Variants in FRMD6 observed in about 807,000 individuals in gnomAD.
FRMD6 encodes FERM domain-containing protein 6.
FRMD6 carries 37 observed loss-of-function variants against 73.2 expected under a neutral mutation model. The observed-to-expected ratio is 0.51, with a 90% CI of 0.39 to 0.66. FRMD6 has a LOEUF of 0.66. Among genes scored for constraint, FRMD6 ranks in the 30% least tolerant of loss-of-function variants. FRMD6 has a pLI of 0.00. For missense variants in FRMD6, 714 were observed against 780.5 expected, an observed-to-expected ratio of 0.91 and a Z score of 1.02; for synonymous variants, 273 against 282.2, an observed-to-expected ratio of 0.97 and a Z score of 0.33.
intron 1 of FRMD6, among the ~76,000 whole-genome samples, chr14:51,489,630 C>G (rs571625368): frequency 4.4e-4 from 67 of 152,246 alleles, no homozygotes; most frequent in Admixed American, 9.2e-4. Context: ...GAAGGGGGTA[C>G]CTTGGGTTGT....
At chr14:51,480,347 T>G in the FRMD6 span, among the ~76,000 whole-genome samples, 1 of 152,170 alleles carries the variant, frequency 6.6e-6, no homozygotes, top group East Asian at 1.9e-4. Flanking sequence ...AATCTGAGAT[T>G]TACGGGGATC....
At chr14:51,725,928 TA>T in intron 13 of FRMD6, 58 bp downstream of exon 13, 1 of 1,245,670 alleles carries the variant, frequency 8.0e-7, no homozygotes, top group South Asian at 1.3e-5. Context: ...AAATTTTAAG[TA>T]GTAACTTACA....
At chr14:51,726,294 A>G (rs987885672) in intron 13 of FRMD6, among the ~76,000 whole-genome samples, 2 of 152,210 alleles carry the variant, frequency 1.3e-5, no homozygotes, top group Non-Finnish European at 2.9e-5. Flanking sequence ...AGAGCATTTG[A>G]CAACCTGTGA....
At chr14:51,426,677 T>G in the FRMD6 span, among the ~76,000 whole-genome samples, 1 of 152,118 alleles carries the variant, frequency 6.6e-6, no homozygotes, top group Non-Finnish European at 1.5e-5. Context: ...TACCGTGAGA[T>G]GGGGGGAGTG....
chr14:51,644,004 C>G (rs1294526497), intron 2 of FRMD6, among the ~76,000 whole-genome samples: 1 of 152,022 alleles, frequency 6.6e-6, no homozygotes, highest in Non-Finnish European at 1.5e-5. Context: ...TTAATAATTA[C>G]AGTTTTAGTT....
At chr14:51,589,313 C>T (rs1462744482) in intron 2 of FRMD6, among the ~76,000 whole-genome samples, 1 of 151,072 alleles carries the variant, frequency 6.6e-6, no homozygotes, top group African/African-American at 2.4e-5. Flanking sequence ...ACACCACCAT[C>T]CACTATTGTT....
chr14:51,666,279 C>CATTACTAT (rs1566545683), intron 1 of FRMD6, among the ~76,000 whole-genome samples: 3 of 152,144 alleles, frequency 2.0e-5, no homozygotes, highest in Admixed American at 6.5e-5. Context: ...CAGATGAATG[C>CATTACTAT]GTCATTACTA....
At chr14:51,445,864 A>G in the FRMD6 span, among the ~76,000 whole-genome samples, 1 of 152,248 alleles carries the variant, frequency 6.6e-6, no homozygotes, top group South Asian at 2.1e-4. Flanking sequence ...GTATTAAATT[A>G]TTATGACAGC....
At chr14:51,722,135 A>G (rs1367245742) in intron 12 of FRMD6, 55 bp downstream of exon 12, 1 of 1,597,596 alleles carries the variant, frequency 6.3e-7, no homozygotes, top group Non-Finnish European at 8.6e-7. Context: ...CAGGACTGAA[A>G]AACACATGCC....
At chr14:51,471,185 A>G in the FRMD6 span, among the ~76,000 whole-genome samples, 10 of 152,120 alleles carry the variant, frequency 6.6e-5, no homozygotes, top group African/African-American at 9.7e-5. Context: ...ATGCATATGC[A>G]TTTATAATAT....
intron 2 of FRMD6, among the ~76,000 whole-genome samples, chr14:51,695,721 A>C (rs866745940): frequency 2.4e-4 from 37 of 152,164 alleles, no homozygotes; most frequent in Non-Finnish European, 2.2e-4. Flanking sequence ...TTCCTGCATG[A>C]GTTCCTGGTA....
chr14:51,453,278 G>C, the FRMD6 span, among the ~76,000 whole-genome samples: 37 of 152,058 alleles, frequency 2.4e-4, no homozygotes, highest in Non-Finnish European at 5.0e-4. Flanking sequence ...TTTGAGTCGG[G>C]GGCTGGCAGG....
At chr14:51,674,028 C>T (rs946729679) in intron 1 of FRMD6, among the ~76,000 whole-genome samples, 1 of 152,104 alleles carries the variant, frequency 6.6e-6, no homozygotes, top group African/African-American at 2.4e-5. Context: ...AAATAATTTC[C>T]AAATCCTAGA....
intron 1 of FRMD6, among the ~76,000 whole-genome samples, chr14:51,512,183 C>A (rs1229675467): frequency 1.3e-5 from 2 of 152,112 alleles, no homozygotes; most frequent in Admixed American, 1.3e-4. Context: ...GGTTGGCATG[C>A]AGCTGGGAGT....
chr14:51,686,705 C>CTTT (rs1340281377), intron 1 of FRMD6, among the ~76,000 whole-genome samples: 1 of 151,892 alleles, frequency 6.6e-6, no homozygotes, highest in Admixed American at 6.6e-5. Flanking sequence ...AAAGGGTTGC[C>CTTT]CTGTAGTAAG....
At chr14:51,455,810 G>A in the FRMD6 span, among the ~76,000 whole-genome samples, 1 of 152,180 alleles carries the variant, frequency 6.6e-6, no homozygotes, top group Non-Finnish European at 1.5e-5. Context: ...GAGAGGTAAG[G>A]GAATTGGAAC....
At chr14:51,459,607 C>G in the FRMD6 span, among the ~76,000 whole-genome samples, 9 of 151,996 alleles carry the variant, frequency 5.9e-5, no homozygotes, top group Non-Finnish European at 1.5e-5. Flanking sequence ...GTGGGCGGAT[C>G]ACGAGGTCAG....
At chr14:51,527,417 C>T (rs1449452793) in intron 1 of FRMD6, among the ~76,000 whole-genome samples, 1 of 152,180 alleles carries the variant, frequency 6.6e-6, no homozygotes, top group Admixed American at 6.5e-5. Flanking sequence ...ATAGTTGGGG[C>T]CAGGCAACAG....
At chr14:51,539,131 T>C (rs1053020440) in intron 1 of FRMD6, among the ~76,000 whole-genome samples, 1 of 152,138 alleles carries the variant, frequency 6.6e-6, no homozygotes, top group Non-Finnish European at 1.5e-5. Flanking sequence ...TTCCACCGTT[T>C]TTGACCTTTT....
Sources: gnomAD v4.1 joint callset for allele counts (sites outside exome capture counted in the v4.1 genomes callset) on GRCh38, gnomAD v4.1.1 for gene constraint, MANE v1.5 for transcripts, NCBI Gene and HGNC (gene_info 2026-07-23, HGNC 2026-07-21) for gene names.